The following TLE3 variants were observed in gnomAD, a reference collection of about 807,000 sequenced individuals.
TLE3 encodes transducin-like enhancer protein 3.
In TLE3, 14 loss-of-function variants were observed where a neutral mutation model predicts 93.0. The observed-to-expected ratio is 0.15, with a 90% CI of 0.10 to 0.24. The LOEUF (loss-of-function observed/expected upper bound fraction) is 0.24. Among genes scored for constraint, TLE3 ranks in the 10% least tolerant of loss-of-function variants. TLE3 has a pLI of 1.00. For synonymous variants in TLE3, 451 were observed against 425.0 expected (o/e 1.06, Z -0.75); for missense variants, 693 against 1,046.6 (o/e 0.66, Z 4.66).
intron 16 of TLE3, 132 bp downstream of exon 16, chr15:70,054,306 A>G (rs2055826323): frequency 7.5e-7 from 1 of 1,327,784 alleles, no homozygotes; most frequent in Admixed American, 2.3e-5. Flanking sequence ...TCACCTGTGC[A>G]TCCCTCATCC....
chr15:70,050,042 T>C lies in TLE3; in HGVS notation c.*55A>G, dbSNP rs2055380019. 1 of 1,516,182 alleles carries C rather than the reference T, an allele frequency of 6.6e-7. No individual in the cohort carries two copies. Among genetic ancestry groups the C allele is most frequent in the Non-Finnish European group, 9.2e-7 (1 of 1,092,520 alleles). 93.9% of individuals were successfully genotyped at this position (1,516,182 alleles called of 1,614,324 possible). On this transcript the variant is annotated 3_prime_UTR_variant, in exon 20 of 20. Coordinates refer to ENST00000451782, the MANE Select transcript of TLE3 (RefSeq NM_001105192.3). ...GGGGCCCCTCGCCTGGGGGTCTCCC[T>C]GTCAGAGCCGAGTCGGTTTCTCCCA...
chr15:70,064,620 T>C, intron 7 of TLE3, 150 bp from the exon 8 acceptor site: 1 of 1,140,306 alleles, frequency 8.8e-7, no homozygotes, highest in Non-Finnish European at 1.3e-6. Flanking sequence ...CCTGGATTGC[T>C]GTCTCCGTGG....
intron 8 of TLE3, among the ~76,000 whole-genome samples, chr15:70,063,085 G>A (rs936947922): frequency 3.3e-5 from 5 of 152,204 alleles, no homozygotes; most frequent in Admixed American, 6.5e-5. Flanking sequence ...CTGCTAGCCA[G>A]GTAATCTGGA....
At chr15:70,095,444 A>T in intron 3 of TLE3, 134 bp downstream of exon 3, 1 of 1,539,852 alleles carries the variant, frequency 6.5e-7, no homozygotes, top group South Asian at 1.2e-5. Flanking sequence ...GCAAGACCAG[A>T]TTATGCCCTC....
chr15:70,095,348 C>A, intron 3 of TLE3: 1 of 1,428,936 alleles, frequency 7.0e-7, no homozygotes, highest in Non-Finnish European at 9.1e-7. Flanking sequence ...AAGTCTCCGG[C>A]CTGGAATCGG....
At chr15:70,092,505 G>A (rs531279885) in intron 4 of TLE3, among the ~76,000 whole-genome samples, 10 of 152,270 alleles carry the variant, frequency 6.6e-5, no homozygotes, top group African/African-American at 2.4e-4. Flanking sequence ...TGCCCTCCTG[G>A]CCTCCCTGAA....
At chr15:70,056,761 T>C (rs543550437) in intron 13 of TLE3, among the ~76,000 whole-genome samples, 57 of 152,272 alleles carry the variant, frequency 3.7e-4, no homozygotes, top group Admixed American at 1.2e-3. Flanking sequence ...CTAACTCTTC[T>C]TTTTATTTTT....
At chr15:70,068,967 G>C (rs763824823) in intron 6 of TLE3, among the ~76,000 whole-genome samples, 2 of 152,216 alleles carry the variant, frequency 1.3e-5, no homozygotes, top group African/African-American at 2.4e-5. Context: ...CAAGTCAGCC[G>C]ACCTCTCTGT....
Position 70,055,235 on chromosome 15 carries a change from G to A in TLE3, c.1392C>T (p.Ala464=), listed in dbSNP as rs2055917427. The change falls in exon 15 of 20, where the codon GCC becomes GCT. Residue 464 remains alanine, a synonymous_variant. Transcript: ENST00000451782. ...GCCTCGGGATGCCGGGGCCTGCCAG[G>A]GCGTCGTGGGGGAAGGGCACGGGCT... ...QMQPVPFPHD[A]LAGPGIPRHA... is the part of the protein sequence containing the mutation. 2 of 1,612,366 alleles carry A rather than the reference G, an allele frequency of 1.2e-6. No homozygotes were observed. Among genetic ancestry groups the A allele is most frequent in the Non-Finnish European group, 1.7e-6 (2 of 1,179,346 alleles).
At chr15:70,080,527 G>A (rs2057719683) in intron 4 of TLE3, among the ~76,000 whole-genome samples, 1 of 152,300 alleles carries the variant, frequency 6.6e-6, no homozygotes, top group Non-Finnish European at 1.5e-5. Flanking sequence ...TGGGCGCTGG[G>A]AGTAACATCT....
chr15:70,081,625 G>A (rs1394635651), intron 4 of TLE3, among the ~76,000 whole-genome samples: 2 of 152,224 alleles, frequency 1.3e-5, no homozygotes, highest in African/African-American at 2.4e-5. Flanking sequence ...TGCATTCAGC[G>A]GGAAGTAATT....
At chr15:70,092,798 C>A (rs2058365790) in intron 4 of TLE3, among the ~76,000 whole-genome samples, 1 of 152,226 alleles carries the variant, frequency 6.6e-6, no homozygotes, top group Non-Finnish European at 1.5e-5. Flanking sequence ...GCCAAAGCAC[C>A]ATTCATTCAC....
chr15:70,061,017 G>C (rs2056439992), intron 8 of TLE3, among the ~76,000 whole-genome samples: 1 of 152,202 alleles, frequency 6.6e-6, no homozygotes, highest in African/African-American at 2.4e-5. Context: ...ACACTCATTT[G>C]CTCAAAGGAG....
At chr15:70,052,302 C>G in intron 18 of TLE3, 72 bp downstream of exon 18, 1 of 1,572,430 alleles carries the variant, frequency 6.4e-7, no homozygotes. Flanking sequence ...GGCCCCTCTT[C>G]TGTCCTGTTG....
chr15:70,071,652 G>A (rs1166763477), intron 6 of TLE3, among the ~76,000 whole-genome samples: 1 of 152,172 alleles, frequency 6.6e-6, no homozygotes, highest in Non-Finnish European at 1.5e-5. Flanking sequence ...ACTGAGGCCT[G>A]GAGGAACAAA....
At chr15:70,069,343 G>A (rs2057003534) in intron 6 of TLE3, among the ~76,000 whole-genome samples, 1 of 152,196 alleles carries the variant, frequency 6.6e-6, no homozygotes. Flanking sequence ...GTCATGAGGT[G>A]TCCTGCTTGC....
At position 70,048,867 on chromosome 15, in the gene TLE3, A is replaced by T. The variant is rs1041872467; in HGVS notation, c.*1230T>A. 6.6e-6 allele frequency: 1 copy of T among 151,922 alleles called. No homozygotes were observed. Among genetic ancestry groups the T allele is most frequent in the Non-Finnish European group, 1.5e-5 (1 of 67,964 alleles). 9.4% of individuals were successfully genotyped at this position (151,922 alleles called of 1,614,324 possible). On this transcript the variant is annotated 3_prime_UTR_variant, in exon 20 of 20. Coordinates refer to ENST00000451782, the MANE Select transcript of TLE3 (RefSeq NM_001105192.3). ...TCTGCCCAGGGTGGGGGTGAGGGGG[A>T]TCCTCTTTTCAGACTCACAACCCTG...
At chr15:70,072,727 TG>T (rs1374996556) in intron 6 of TLE3, among the ~76,000 whole-genome samples, 3 of 152,164 alleles carry the variant, frequency 2.0e-5, no homozygotes, top group Non-Finnish European at 4.4e-5. Context: ...TTGCCTCCTA[TG>T]AATATCAGGG....
intron 8 of TLE3, among the ~76,000 whole-genome samples, chr15:70,063,840 A>G (rs973070461): frequency 5.9e-5 from 9 of 152,214 alleles, no homozygotes; most frequent in Non-Finnish European, 1.2e-4. Flanking sequence ...GCCTGCTAGC[A>G]CTTTCTTAAA....
Sources: allele counts gnomAD v4.1 joint callset (sites outside exome capture counted in the v4.1 genomes callset), GRCh38; gene constraint gnomAD v4.1.1; transcripts MANE v1.5; gene names NCBI Gene and HGNC (gene_info 2026-07-23, HGNC 2026-07-21).